SPC25: variants seen among roughly 807,000 people sequenced by gnomAD.
SPC25 encodes the protein SPC25 component of NDC80 kinetochore complex, also known as kinetochore protein Spc25.
A neutral mutation model predicts 29.6 loss-of-function variants in SPC25; 22 were observed. The observed-to-expected ratio is 0.74, with a 90% CI of 0.53 to 1.06. The LOEUF is 1.06. Ranked by LOEUF, SPC25 falls within the 50% of genes least tolerant of loss-of-function variation. The probability of loss-of-function intolerance (pLI) is 0.00; values close to 1 mark genes in which losing one functional copy is unlikely to be tolerated. For missense variants in SPC25, 230 were observed against 255.8 expected (o/e 0.90, Z 0.69); for synonymous variants, 91 against 90.4 (o/e 1.01, Z -0.04).
chr2:168,863,505 T>G (rs1238972408), intron 4 of SPC25: 1 of 985,382 alleles, frequency 1.0e-6, no homozygotes, highest in African/African-American at 1.7e-5. Context: ...CTTTCTACTT[T>G]TATGACAAGA....
intron 4 of SPC25, among the ~76,000 whole-genome samples, chr2:168,865,695 T>A (rs1689823961): frequency 1.3e-5 from 2 of 152,208 alleles, no homozygotes; most frequent in Non-Finnish European, 2.9e-5. Flanking sequence ...TGTTTGCAGA[T>A]GACATGATTG....
chr2:168,886,572 T>G (rs887392268), intron 3 of SPC25, among the ~76,000 whole-genome samples: 6 of 151,724 alleles, frequency 4.0e-5, no homozygotes, highest in African/African-American at 1.5e-4. Context: ...CAGGCTGCAG[T>G]GCAGTGGCGC....
chr2:168,885,425 T>C (rs111559250), intron 3 of SPC25, among the ~76,000 whole-genome samples: 180 of 152,340 alleles, frequency 1.2e-3, no homozygotes, highest in African/African-American at 3.9e-3. Context: ...CTCCTGTTTA[T>C]TGTGCATGAT....
intron 6 of SPC25, 60 bp from the exon 7 acceptor site, chr2:168,871,615 A>T: frequency 1.4e-6 from 2 of 1,449,178 alleles, no homozygotes; most frequent in Non-Finnish European, 9.3e-7. Flanking sequence ...ATGGCACAGA[A>T]GTATTTCTAA....
At chr2:168,872,492 G>C (rs1411029366) in intron 6 of SPC25, among the ~76,000 whole-genome samples, 2 of 152,122 alleles carry the variant, frequency 1.3e-5, no homozygotes, top group African/African-American at 4.8e-5. Context: ...CTCCAGTGAA[G>C]GTGGTCAAAG....
At chr2:168,868,873 T>C (rs1689925287), downstream of SPC25, among the ~76,000 whole-genome samples, 1 of 152,224 alleles carries the variant, frequency 6.6e-6, no homozygotes, top group East Asian at 1.9e-4. Flanking sequence ...AGCATCATCC[T>C]GATACCAAAG....
At chr2:168,884,923 G>A (rs2105835022) in intron 3 of SPC25, 1 of 152,200 alleles carries the variant, frequency 6.6e-6, no homozygotes, top group African/African-American at 2.4e-5. Context: ...ACACAGTAAT[G>A]AGTAAATAAA....
intron 3 of SPC25, among the ~76,000 whole-genome samples, chr2:168,882,562 A>G (rs1232414250): frequency 6.6e-6 from 1 of 152,220 alleles, no homozygotes; most frequent in Non-Finnish European, 1.5e-5. Context: ...CGATCACGCC[A>G]CTGCACTCCA....
At chr2:168,863,352 G>A (rs1689600032) in intron 4 of SPC25, 1 of 937,568 alleles carries the variant, frequency 1.1e-6, no homozygotes, top group African/African-American at 1.8e-5. Context: ...GATAGAAAAG[G>A]AGTTAATAAT....
At chr2:168,880,503 G>T (rs10179587) in intron 3 of SPC25, among the ~76,000 whole-genome samples, 2,989 of 152,300 alleles carry the variant, frequency 0.02, 102 homozygotes, top group African/African-American at 0.068. Context: ...GTTGTGGTTT[G>T]TTTGCTCTTC....
intron 5 of SPC25, among the ~76,000 whole-genome samples, chr2:168,875,161 C>T (rs962539596): frequency 2.6e-5 from 4 of 152,042 alleles, no homozygotes; most frequent in African/African-American, 9.7e-5. Context: ...TACAATAGTC[C>T]CCCTTTATCC....
At chr2:168,874,109 G>T (rs1256463598) in intron 5 of SPC25, among the ~76,000 whole-genome samples, 1 of 152,060 alleles carries the variant, frequency 6.6e-6, no homozygotes, top group Non-Finnish European at 1.5e-5. Flanking sequence ...TATAAAAATG[G>T]CCATTAAGTC....
chr2:168,877,182 G>C, intron 4 of SPC25, 56 bp downstream of exon 4: 2 of 1,583,800 alleles, frequency 1.3e-6, no homozygotes, highest in South Asian at 1.1e-5. Flanking sequence ...ACTTAATAAA[G>C]GTGAACCGTC....
At chr2:168,888,176 G>A (rs1479549027) in intron 3 of SPC25, among the ~76,000 whole-genome samples, 1 of 152,146 alleles carries the variant, frequency 6.6e-6, no homozygotes, top group Non-Finnish European at 1.5e-5. Flanking sequence ...TACTTAGGGG[G>A]TGAAGTGGGA....
At chr2:168,872,829 CA>C (rs1690018452) in intron 6 of SPC25, among the ~76,000 whole-genome samples, 1 of 152,032 alleles carries the variant, frequency 6.6e-6, no homozygotes, top group African/African-American at 2.4e-5. Context: ...ATAAATTCCC[CA>C]GAAATAGGAA....
intron 3 of SPC25, among the ~76,000 whole-genome samples, chr2:168,880,683 T>C (rs1301994669): frequency 6.6e-6 from 1 of 152,222 alleles, no homozygotes; most frequent in Non-Finnish European, 1.5e-5. Flanking sequence ...AGCTTTTGAT[T>C]TAAAGTGAGA....
At chr2:168,873,743 C>T in intron 5 of SPC25, 60 bp from the exon 6 acceptor site, 1 of 1,117,206 alleles carries the variant, frequency 9.0e-7, no homozygotes, top group African/African-American at 1.5e-5. Context: ...CCCTTTCTTA[C>T]TCCATCTTTG....
At position 168,890,154 on chromosome 2, in the gene SPC25, T is replaced by C. The variant is rs539435988; in HGVS notation, c.-15+164A>G. On this transcript the variant is annotated intron_variant, in intron 1 of 6. Transcript: ENST00000282074. ...CTCCTGCAGTGAAACCCAGAACGCT[T>C]TGGGTTCGCAGCTGCCCACCCCACC... Among the ~76,000 whole-genome samples, 5 of 152,264 alleles carry C rather than the reference T, an allele frequency of 3.3e-5. 1 individual carries two copies. The highest frequency in any genetic ancestry group is 7.2e-5 in the African/African-American group (3 of 41,562).
intron 3 of SPC25, among the ~76,000 whole-genome samples, chr2:168,883,382 A>G (rs932593121): frequency 6.6e-6 from 1 of 152,198 alleles, no homozygotes; most frequent in African/African-American, 2.4e-5. Context: ...ACATGATCAT[A>G]TATTACGTCA....
Sources: allele counts gnomAD v4.1 joint callset (sites outside exome capture counted in the v4.1 genomes callset), GRCh38; gene constraint gnomAD v4.1.1; transcripts MANE v1.5; gene names NCBI Gene and HGNC (gene_info 2026-07-23, HGNC 2026-07-21).